The following ARHGAP24 variants were observed in gnomAD, a reference collection of about 807,000 sequenced individuals.
ARHGAP24 encodes rho GTPase-activating protein 24.
Under a neutral mutation model 76.4 loss-of-function variants are expected in ARHGAP24, and 50 were observed. The observed-to-expected ratio is 0.65, with a 90% CI of 0.52 to 0.83. The LOEUF (loss-of-function observed/expected upper bound fraction) is 0.83. Ranked by LOEUF, ARHGAP24 falls within the 40% of genes least tolerant of loss-of-function variation. The pLI, the probability that ARHGAP24 is intolerant of heterozygous loss-of-function variation, is 0.00. For missense variants in ARHGAP24, 930 were observed against 914.2 expected (o/e 1.02, Z -0.22); for synonymous variants, 345 against 323.3 (o/e 1.07, Z -0.72).
rs193037472 is a variant in ARHGAP24 at position 85,930,405 on chromosome 4, C to A, written c.391+6635C>A. 50 of 986,066 alleles carry A rather than the reference C, an allele frequency of 5.1e-5. No homozygotes were observed. In the East Asian group the frequency reaches 5.0e-3, roughly 98 times the overall value. 61.1% of individuals were successfully genotyped at this position (986,066 alleles called of 1,614,324 possible). ...ACTGAAATGCTTTCTGGAGAAGGTGCCATTATTTTCCTCCCCTCTTGCTCA... is the reference window on the plus strand; with the variant it reads ...ACTGAAATGCTTTCTGGAGAAGGTGACATTATTTTCCTCCCCTCTTGCTCA... On this transcript the variant is annotated intron_variant, in intron 4 of 9. Coordinates refer to ENST00000395184, the MANE Select transcript of ARHGAP24 (RefSeq NM_001025616.3).
chr4:85,516,273 C>G (rs1224959891), intron 1 of ARHGAP24, among the ~76,000 whole-genome samples: 6 of 152,212 alleles, frequency 3.9e-5, no homozygotes, highest in Non-Finnish European at 5.9e-5. Flanking sequence ...CTCTGGCCAC[C>G]TGCATCCCTG....
intron 1 of ARHGAP24, among the ~76,000 whole-genome samples, chr4:85,546,940 A>G (rs556063722): frequency 4.6e-4 from 70 of 152,076 alleles, no homozygotes; most frequent in African/African-American, 1.6e-3. Flanking sequence ...TTTTTTTCTG[A>G]AGTGTTTGAA....
chr4:85,711,335 AC>A (rs1724519014), intron 2 of ARHGAP24, among the ~76,000 whole-genome samples: 1 of 151,572 alleles, frequency 6.6e-6, no homozygotes, highest in South Asian at 2.1e-4. Flanking sequence ...TATATAAAAA[AC>A]CCCCATGACA....
chr4:85,949,152 A>G lies in ARHGAP24; in HGVS notation c.599+6879A>G, dbSNP rs146446214. ...AAGCATTTACCTTTCTCTAGCCTCT[A>G]ATAGCAATTTTTTTCCCCTGTTCGT... On this transcript the variant is annotated intron_variant, in intron 5 of 9. Transcript: ENST00000395184. 2.8e-4 allele frequency among the ~76,000 whole-genome samples: 43 copies of G among 152,218 alleles called. No individual in the cohort carries two copies. The East Asian group carries it at 8.3e-3, about 29-fold the overall frequency.
chr4:85,624,177 A>G (rs1720832884), intron 2 of ARHGAP24, among the ~76,000 whole-genome samples: 1 of 152,132 alleles, frequency 6.6e-6, no homozygotes, highest in Admixed American at 6.5e-5. Context: ...TTTTCAAAGG[A>G]ATGCTTCCAG....
rs190520783 is a variant in ARHGAP24 at position 85,732,122 on chromosome 4, C to T, written c.268+10150C>T. 5.9e-5 allele frequency among the ~76,000 whole-genome samples: 9 copies of T among 152,284 alleles called. No individual in the cohort carries two copies. The East Asian group carries it at 1.7e-3, about 29-fold the overall frequency. On this transcript the variant is annotated intron_variant, in intron 3 of 9. Transcript: ENST00000395184. ...GAAAAGGGCTTTCAATCTAATCAAG[C>T]TATGAAAATAGCAAAGTACTAAACA...
intron 2 of ARHGAP24, among the ~76,000 whole-genome samples, chr4:85,634,970 A>G (rs1443923720): frequency 1.3e-5 from 2 of 151,910 alleles, no homozygotes; most frequent in African/African-American, 4.8e-5. Context: ...TTAGATGTAT[A>G]CATCTTCAGA....
At chr4:85,647,749 G>T (rs564192917) in intron 2 of ARHGAP24, among the ~76,000 whole-genome samples, 1 of 152,180 alleles carries the variant, frequency 6.6e-6, no homozygotes, top group East Asian at 1.9e-4. Context: ...AGTGGTCTTT[G>T]CTAGAACATC....
chr4:85,502,509 A>G (rs892580228), intron 1 of ARHGAP24, among the ~76,000 whole-genome samples: 1 of 152,114 alleles, frequency 6.6e-6, no homozygotes, highest in Non-Finnish European at 1.5e-5. Context: ...TTCACTCATG[A>G]TTTGGCTCTC....
intron 6 of ARHGAP24, among the ~76,000 whole-genome samples, chr4:85,972,943 C>T (rs1259220932): frequency 6.6e-6 from 1 of 152,106 alleles, no homozygotes; most frequent in East Asian, 1.9e-4. Flanking sequence ...AAACAATATT[C>T]TATTACTCAT....
At chr4:85,990,407 A>T (rs1469797592) in intron 8 of ARHGAP24, 2 of 151,876 alleles carry the variant, frequency 1.3e-5, no homozygotes, top group African/African-American at 4.8e-5. Flanking sequence ...ATTCCATCAG[A>T]ATTTTTATTT....
At chr4:85,684,636 T>G (rs999092987) in intron 2 of ARHGAP24, among the ~76,000 whole-genome samples, 15 of 152,202 alleles carry the variant, frequency 9.9e-5, no homozygotes, top group African/African-American at 3.6e-4. Flanking sequence ...TGTATCATAT[T>G]ATAAATCTAC....
chr4:85,761,563 T>C (rs747807977), intron 3 of ARHGAP24, among the ~76,000 whole-genome samples: 1 of 152,140 alleles, frequency 6.6e-6, no homozygotes, highest in Non-Finnish European at 1.5e-5. Context: ...AGAAATACAT[T>C]TGGAAATCTG....
chr4:85,537,975 T>G lies in ARHGAP24; in HGVS notation c.-20-32547T>G, dbSNP rs1474405040. Among the ~76,000 whole-genome samples the G allele has an allele frequency of 2.6e-5, 4 of 152,114 alleles. No individual in the cohort carries two copies. In the East Asian group the frequency reaches 5.8e-4, roughly 22 times the overall value. ...ATGTATACCAAGGCTGAAGTATGAC[T>G]TGATAATTTAGGGAAGATGTACACT... On this transcript the variant is annotated intron_variant, in intron 1 of 9. Coordinates refer to ENST00000395184, the MANE Select transcript of ARHGAP24 (RefSeq NM_001025616.3).
Position 85,942,047 on chromosome 4 carries a change from G to A in ARHGAP24, c.392-19G>A. 6.3e-7 allele frequency: 1 copy of A among 1,594,576 alleles called. No homozygotes were observed. Among genetic ancestry groups the A allele is most frequent in the Non-Finnish European group, 8.5e-7 (1 of 1,172,628 alleles). On this transcript the variant is annotated intron_variant, in intron 4 of 9. Coordinates refer to ENST00000395184, the MANE Select transcript of ARHGAP24 (RefSeq NM_001025616.3). ...AAGAGATAAATTTCCCAAGTTTACT[G>A]TGATCCTTTTTTTTTAAGGCATTTT...
intron 1 of ARHGAP24, among the ~76,000 whole-genome samples, chr4:85,488,776 TG>T (rs917955719): frequency 4.6e-5 from 7 of 152,212 alleles, no homozygotes; most frequent in Admixed American, 4.6e-4. Flanking sequence ...GTACCATCTT[TG>T]GCAAAAATGG....
chr4:85,927,289 G>A (rs940745868), intron 4 of ARHGAP24, among the ~76,000 whole-genome samples: 13 of 152,112 alleles, frequency 8.5e-5, no homozygotes, highest in Non-Finnish European at 1.8e-4. Context: ...ACAGGGAAAT[G>A]TACAGAGACA....
chr4:85,966,678 C>A (rs549536085), intron 5 of ARHGAP24, among the ~76,000 whole-genome samples: 1 of 152,216 alleles, frequency 6.6e-6, no homozygotes, highest in African/African-American at 2.4e-5. Context: ...TTAAGCAAGA[C>A]CATTTCGTGG....
At chr4:85,917,074 C>G (rs1024357754) in intron 3 of ARHGAP24, among the ~76,000 whole-genome samples, 1 of 152,052 alleles carries the variant, frequency 6.6e-6, no homozygotes, top group Non-Finnish European at 1.5e-5. Context: ...CCCTCCACCC[C>G]ACAACAGTCC....
Sources: allele counts gnomAD v4.1 joint callset (sites outside exome capture counted in the v4.1 genomes callset), GRCh38; gene constraint gnomAD v4.1.1; transcripts MANE v1.5; gene names NCBI Gene and HGNC (gene_info 2026-07-23, HGNC 2026-07-21).